The following TFDP2 variants were observed in gnomAD, a reference collection of about 807,000 sequenced individuals.
TFDP2 encodes transcription factor Dp-2 (E2F dimerization partner 2).
Under a neutral mutation model 59.3 loss-of-function variants are expected in TFDP2, and 17 were observed. The ratio of observed to expected loss-of-function variants is 0.29; its 90% CI spans 0.20 to 0.43. The LOEUF is 0.43. Ranked by LOEUF, TFDP2 falls within the 20% of genes least tolerant of loss-of-function variation. The probability of loss-of-function intolerance (pLI) is 1.00; values close to 1 mark genes in which losing one functional copy is unlikely to be tolerated. For missense variants in TFDP2, 391 were observed against 528.8 expected, an observed-to-expected ratio of 0.74 and a Z score of 2.56; for synonymous variants, 180 against 194.7, an observed-to-expected ratio of 0.92 and a Z score of 0.63.
At chr3:142,055,170 A>G (rs928839975) in intron 3 of TFDP2, among the ~76,000 whole-genome samples, 3 of 152,234 alleles carry the variant, frequency 2.0e-5, no homozygotes, top group African/African-American at 7.2e-5. Context: ...TCATCTACAT[A>G]TAAGAGAAAT....
At chr3:141,961,234 GTTGTTTTTTTT>G (rs1937306430) in intron 10 of TFDP2, among the ~76,000 whole-genome samples, 1 of 122,000 alleles carries the variant, frequency 8.2e-6, no homozygotes, top group South Asian at 2.6e-4. Flanking sequence ...TCAGTTTTTT[GTTGTTTTTTTT>G]TTTTTTTTTT....
chr3:142,023,122 C>CAAAAAAAAAAAA (rs765096570), intron 3 of TFDP2, among the ~76,000 whole-genome samples: 17 of 59,444 alleles, frequency 2.9e-4, no homozygotes, highest in African/African-American at 3.6e-4. Flanking sequence ...CCCTCCGTCT[C>CAAAAAAAAAAAA]AAAAAAAAAA....
chr3:142,040,175 G>C (rs1277603759), intron 3 of TFDP2, among the ~76,000 whole-genome samples: 1 of 151,982 alleles, frequency 6.6e-6, no homozygotes, highest in Non-Finnish European at 1.5e-5. Flanking sequence ...GCTATCAACA[G>C]AACGAGACTC....
intron 8 of TFDP2, among the ~76,000 whole-genome samples, chr3:141,973,124 T>TATATAG (rs1553761667): frequency 1.8e-5 from 1 of 55,348 alleles, no homozygotes; most frequent in Non-Finnish European, 3.8e-5. Flanking sequence ...TATATATATA[T>TATATAG]TTTTTTTTTT....
At chr3:142,101,881 A>G (rs2061327469) in intron 1 of TFDP2, 40 bp from the exon 2 acceptor site, 1 of 478,160 alleles carries the variant, frequency 2.1e-6, no homozygotes, top group African/African-American at 1.9e-5. Context: ...TGTAATAATA[A>G]TAATAGGCAA....
intron 6 of TFDP2, among the ~76,000 whole-genome samples, chr3:141,990,785 C>T (rs181499711): frequency 4.6e-5 from 7 of 152,130 alleles, no homozygotes; most frequent in Admixed American, 2.6e-4. Context: ...GGGCTGGGCA[C>T]GGTGGCTCAT....
intron 6 of TFDP2, among the ~76,000 whole-genome samples, chr3:141,981,871 C>T (rs750182540): frequency 2.0e-5 from 3 of 151,894 alleles, no homozygotes; most frequent in Non-Finnish European, 4.4e-5. Context: ...GATGGATTTA[C>T]AAAATTTTAA....
intron 3 of TFDP2, among the ~76,000 whole-genome samples, chr3:142,034,481 G>T (rs1278067933): frequency 6.6e-6 from 1 of 152,014 alleles, no homozygotes; most frequent in Non-Finnish European, 1.5e-5. Context: ...ACTAGAGAGA[G>T]AAAAATAAAC....
At chr3:141,998,140 A>G (rs1221172081) in intron 4 of TFDP2, among the ~76,000 whole-genome samples, 1 of 152,198 alleles carries the variant, frequency 6.6e-6, no homozygotes, top group Non-Finnish European at 1.5e-5. Flanking sequence ...AATAGGAAAG[A>G]TAAGGCCTAA....
chr3:142,111,979 T>A (rs1339365324), intron 1 of TFDP2, among the ~76,000 whole-genome samples: 3 of 151,780 alleles, frequency 2.0e-5, no homozygotes, highest in Admixed American at 2.0e-4. Context: ...GACAGGAGAA[T>A]CACTTGAACC....
chr3:142,020,769 A>C (rs534421363), intron 3 of TFDP2, among the ~76,000 whole-genome samples: 2 of 151,482 alleles, frequency 1.3e-5, no homozygotes, highest in Admixed American at 6.6e-5. Flanking sequence ...GGATTGCTTG[A>C]GTCCAGGAAT....
intron 11 of TFDP2, among the ~76,000 whole-genome samples, chr3:141,958,611 G>T (rs1230301296): frequency 6.6e-6 from 1 of 152,154 alleles, no homozygotes; most frequent in Non-Finnish European, 1.5e-5. Flanking sequence ...TCCTCAGCTG[G>T]GTGCTGGATT....
chr3:142,075,570 T>C (rs1482895727), intron 3 of TFDP2, among the ~76,000 whole-genome samples: 2 of 151,982 alleles, frequency 1.3e-5, no homozygotes. Context: ...TGTTAGTCCC[T>C]CTCTACTGCT....
chr3:141,969,003 T>TATATATAACATATATCTC (rs1559940925), intron 9 of TFDP2, among the ~76,000 whole-genome samples: 1 of 86,762 alleles, frequency 1.2e-5, no homozygotes. Context: ...ATATATCTCA[T>TATATATAACATATATCTC]ATATATAGAT....
At chr3:141,984,581 T>C (rs907386099) in intron 6 of TFDP2, among the ~76,000 whole-genome samples, 1 of 152,122 alleles carries the variant, frequency 6.6e-6, no homozygotes, top group Non-Finnish European at 1.5e-5. Context: ...AGAGGGATTG[T>C]GGGGGAGTGG....
At chr3:142,043,929 T>C (rs780561377) in intron 3 of TFDP2, 2 of 837,708 alleles carry the variant, frequency 2.4e-6, no homozygotes, top group Non-Finnish European at 4.2e-6. Flanking sequence ...TGACCTTCTC[T>C]GGCATTCGCG....
intron 3 of TFDP2, among the ~76,000 whole-genome samples, chr3:142,012,015 CTTTT>C (rs1248723479): frequency 1.4e-5 from 2 of 138,226 alleles, no homozygotes; most frequent in South Asian, 4.6e-4. Flanking sequence ...TTCTTTCTTT[CTTTT>C]TTTTTTTTTT....
chr3:142,022,004 A>C (rs906496998), intron 3 of TFDP2, among the ~76,000 whole-genome samples: 1 of 152,238 alleles, frequency 6.6e-6, no homozygotes, highest in Non-Finnish European at 1.5e-5. Flanking sequence ...TCAGTCAAGG[A>C]AACTTTTTAA....
chr3:142,106,984 G>C (rs1291822656), intron 1 of TFDP2, among the ~76,000 whole-genome samples: 2 of 152,072 alleles, frequency 1.3e-5, no homozygotes, highest in African/African-American at 2.4e-5. Context: ...TGCCAAAAAA[G>C]CTGCTACTAA....
Sources: gnomAD v4.1 joint callset for allele counts (sites outside exome capture counted in the v4.1 genomes callset) on GRCh38, gnomAD v4.1.1 for gene constraint, MANE v1.5 for transcripts, NCBI Gene and HGNC (gene_info 2026-07-23, HGNC 2026-07-21) for gene names.